The following PACRG variants were observed in gnomAD, a reference collection of about 807,000 sequenced individuals.
PACRG encodes parkin coregulated gene protein.
In PACRG, 29 loss-of-function variants were observed where a neutral mutation model predicts 29.7. That is an observed-to-expected ratio of 0.98 (90% confidence interval 0.73 to 1.33). The LOEUF is 1.33. Among genes scored for constraint, PACRG ranks in the 40% most tolerant of loss-of-function variants. The pLI is 0.00. For synonymous variants in PACRG, 116 were observed against 118.7 expected, an observed-to-expected ratio of 0.98 and a Z score of 0.15; for missense variants, 279 against 316.2, an observed-to-expected ratio of 0.88 and a Z score of 0.89.
chr6:162,791,847 G>T (rs1784975351), intron 1 of PACRG, among the ~76,000 whole-genome samples: 1 of 152,120 alleles, frequency 6.6e-6, no homozygotes, highest in Non-Finnish European at 1.5e-5. Flanking sequence ...GACACCTGGG[G>T]GTCAATCCCA....
chr6:162,862,259 G>A (rs1055943489), intron 2 of PACRG, among the ~76,000 whole-genome samples: 5 of 152,128 alleles, frequency 3.3e-5, no homozygotes, highest in South Asian at 2.1e-4. Context: ...ACGAGACTCC[G>A]GATTATAGGG....
intron 2 of PACRG, among the ~76,000 whole-genome samples, chr6:162,891,829 C>A (rs1794783518): frequency 6.6e-6 from 1 of 152,140 alleles, no homozygotes; most frequent in African/African-American, 2.4e-5. Context: ...AGCTGCTGAT[C>A]CAGATGGCAC....
chr6:163,153,333 C>T (rs967251835), intron 4 of PACRG, among the ~76,000 whole-genome samples: 1 of 152,134 alleles, frequency 6.6e-6, no homozygotes, highest in Non-Finnish European at 1.5e-5. Flanking sequence ...TCCTGGATCC[C>T]CCTGAGCATT....
At chr6:163,031,828 A>T (rs78087653) in intron 2 of PACRG, among the ~76,000 whole-genome samples, 22,151 of 152,118 alleles carry the variant, frequency 0.15, 1,723 homozygotes, top group East Asian at 0.26. Context: ...AGAAAGTGAC[A>T]TTCTTTACTT....
Position 163,261,616 on chromosome 6 carries a change from G to C in PACRG, c.614-53211G>C, listed in dbSNP as rs575828037. Among the ~76,000 whole-genome samples the C allele has an allele frequency of 3.3e-5, 5 of 152,258 alleles. No individual in the cohort carries two copies. The East Asian group carries it at 7.7e-4, about 24-fold the overall frequency. On this transcript the variant is annotated intron_variant, in intron 4 of 4. Coordinates refer to ENST00000366888, the MANE Select transcript of PACRG (RefSeq NM_001080379.2). ...TGAGCCAGGCACTCGCAGGACACTC[G>C]GCCCTGCTGGTCAGCCCTGCTGGCC...
At chr6:162,960,491 A>C (rs193206827) in intron 2 of PACRG, among the ~76,000 whole-genome samples, 23 of 152,334 alleles carry the variant, frequency 1.5e-4, no homozygotes, top group African/African-American at 5.3e-4. Flanking sequence ...ATCCTAAGCA[A>C]ATTAACGCAG....
chr6:162,846,030 G>T (rs560685859), intron 2 of PACRG, among the ~76,000 whole-genome samples: 9 of 152,272 alleles, frequency 5.9e-5, no homozygotes, highest in East Asian at 1.9e-4. Context: ...GTGACAGGGT[G>T]GGGGAGCCGG....
intron 4 of PACRG, among the ~76,000 whole-genome samples, chr6:163,131,319 A>C (rs1358397521): frequency 0.012 from 272 of 22,218 alleles, 1 homozygote; most frequent in Non-Finnish European, 0.027. Flanking sequence ...CTCAAACAAA[A>C]AAAAAAAAAA....
intron 2 of PACRG, among the ~76,000 whole-genome samples, chr6:162,994,996 T>A (rs1461912965): frequency 6.6e-6 from 1 of 150,414 alleles, no homozygotes; most frequent in Non-Finnish European, 1.5e-5. Flanking sequence ...TGGAATACCC[T>A]GCCGAGTGAG....
At chr6:162,839,770 A>G (rs1488568867) in intron 2 of PACRG, among the ~76,000 whole-genome samples, 6 of 152,210 alleles carry the variant, frequency 3.9e-5, no homozygotes, top group Admixed American at 3.3e-4. Flanking sequence ...TGATTTTTGT[A>G]TAAGGTATAA....
chr6:163,312,527 CCGGGCTT>C (rs1374172220), intron 4 of PACRG, among the ~76,000 whole-genome samples: 2 of 93,224 alleles, frequency 2.1e-5, no homozygotes, highest in African/African-American at 6.3e-5. Context: ...AGCGGAGCCA[CCGGGCTT>C]CATCTCCCCC....
At chr6:163,027,365 AT>A (rs1562844735) in intron 2 of PACRG, among the ~76,000 whole-genome samples, 3 of 152,084 alleles carry the variant, frequency 2.0e-5, no homozygotes, top group African/African-American at 4.8e-5. Flanking sequence ...ACTGAAAATT[AT>A]GCTATATTTA....
chr6:162,833,823 G>A (rs1201310074), intron 2 of PACRG, among the ~76,000 whole-genome samples: 2 of 151,992 alleles, frequency 1.3e-5, no homozygotes, highest in African/African-American at 2.4e-5. Context: ...AAGTATTGAT[G>A]CAATCTTATT....
At chr6:163,114,867 A>AC in intron 4 of PACRG, among the ~76,000 whole-genome samples, 1 of 152,204 alleles carries the variant, frequency 6.6e-6, no homozygotes, top group East Asian at 1.9e-4. Context: ...CATCAAAAAA[A>AC]AAAAAAAGGT....
At chr6:163,307,969 ACT>A (rs1384840649) in intron 4 of PACRG, among the ~76,000 whole-genome samples, 2 of 152,164 alleles carry the variant, frequency 1.3e-5, no homozygotes, top group Non-Finnish European at 2.9e-5. Flanking sequence ...ACTGGAGAAA[ACT>A]CTTATTCTAA....
intron 2 of PACRG, among the ~76,000 whole-genome samples, chr6:162,836,835 T>C (rs1346713480): frequency 6.6e-6 from 1 of 152,162 alleles, no homozygotes; most frequent in Non-Finnish European, 1.5e-5. Context: ...TTTTCTGTCT[T>C]CAAGTATAAA....
At chr6:163,128,916 G>GAT (rs936430393) in intron 4 of PACRG, among the ~76,000 whole-genome samples, 21 of 152,140 alleles carry the variant, frequency 1.4e-4, no homozygotes, top group African/African-American at 4.8e-4. Flanking sequence ...AATTTGATTT[G>GAT]ATATATATCT....
chr6:163,220,608 T>A (rs1179506415), intron 4 of PACRG, among the ~76,000 whole-genome samples: 1 of 152,234 alleles, frequency 6.6e-6, no homozygotes, highest in Non-Finnish European at 1.5e-5. Context: ...AGTCCAGTAC[T>A]TAAAGTCAAA....
chr6:162,869,212 A>G (rs1195804941), intron 2 of PACRG, among the ~76,000 whole-genome samples: 1 of 152,154 alleles, frequency 6.6e-6, no homozygotes, highest in African/African-American at 2.4e-5. Context: ...CGGCTCCAAG[A>G]TCCCTCTGGC....
Sources: allele counts gnomAD v4.1 joint callset (sites outside exome capture counted in the v4.1 genomes callset), GRCh38; gene constraint gnomAD v4.1.1; transcripts MANE v1.5; gene names NCBI Gene and HGNC (gene_info 2026-07-23, HGNC 2026-07-21).